The following CC2D2B variants were observed in gnomAD, a reference collection of about 807,000 sequenced individuals.
CC2D2B encodes coiled-coil and C2 domain containing 2B.
A neutral mutation model predicts 161.2 loss-of-function variants in CC2D2B; 128 were observed. The observed-to-expected ratio is 0.79, with a 90% CI of 0.69 to 0.92. CC2D2B has a LOEUF of 0.92. Ranked by LOEUF, CC2D2B falls within the 40% of genes least tolerant of loss-of-function variation. CC2D2B has a pLI of 0.00. For synonymous variants in CC2D2B, 391 were observed against 449.8 expected, an observed-to-expected ratio of 0.87 and a Z score of 1.65; for missense variants, 1,173 against 1,375.1, an observed-to-expected ratio of 0.85 and a Z score of 2.32.
intron 1 of CC2D2B, among the ~76,000 whole-genome samples, chr10:95,909,937 A>G (rs112881295): frequency 0.052 from 7,873 of 152,276 alleles, 404 homozygotes; most frequent in African/African-American, 0.13. Context: ...GCTTGAGGCC[A>G]AGAGTTTGAG....
chr10:95,966,189 G>C lies in CC2D2B; in HGVS notation c.1354-1G>C. 1 of 1,155,994 alleles carries C rather than the reference G, an allele frequency of 8.7e-7. No homozygotes were observed. Among genetic ancestry groups the C allele is most frequent in the Non-Finnish European group, 1.1e-6 (1 of 919,024 alleles). The allele number at this position is 1,155,994 out of a possible 1,614,324, so 71.6% of individuals were successfully genotyped here. On this transcript the variant is annotated splice_acceptor_variant, in intron 13 of 34. Transcript: ENST00000646931. LOFTEE classifies it high-confidence loss of function. ...TCATATATTTATTTTTTGATTTCTA[G>C]AGCCTCTCATATCTAGCTTCAGACG...
At chr10:96,005,148 TC>T (rs1296226306) in intron 25 of CC2D2B, among the ~76,000 whole-genome samples, 1 of 152,210 alleles carries the variant, frequency 6.6e-6, no homozygotes, top group Non-Finnish European at 1.5e-5. Flanking sequence ...GTTTTGATGA[TC>T]GAAATTGGTA....
In CC2D2B at chr10:95,926,838, G is replaced by GTGTC. The variant is rs2098539708; in HGVS notation, c.241-396_241-395insCTGT. 2.9e-5 allele frequency among the ~76,000 whole-genome samples: 4 copies of GTGTC among 137,412 alleles called. No individual in the cohort carries two copies. The Admixed American group carries it at 3.1e-4, about 11-fold the overall frequency. 90.1% of individuals were successfully genotyped at this position (137,412 alleles called of 152,430 possible). A position where few individuals can be genotyped will look rare whatever the true frequency, so the allele number is the denominator to read the frequency against. ...GCAGTGTGTGTGTGTGTGTGTGTGTGTGTGTGTGTCTGTGTGTGTGTGTGT... is the reference window on the plus strand; with the variant it reads ...GCAGTGTGTGTGTGTGTGTGTGTGTGTGTCTGTGTGTGTCTGTGTGTGTGTGTGT... On this transcript the variant is annotated intron_variant, in intron 5 of 34. Transcript: ENST00000646931.
At chr10:96,002,352 ATAAG>A (rs1235533855) in intron 24 of CC2D2B, among the ~76,000 whole-genome samples, 2 of 152,116 alleles carry the variant, frequency 1.3e-5, no homozygotes, top group African/African-American at 4.8e-5. Context: ...AAGCAAATGG[ATAAG>A]TAGTCATAAT....
intron 9 of CC2D2B, 136 bp from the exon 10 acceptor site, chr10:95,949,760 C>G (rs1244429434): frequency 2.5e-6 from 1 of 393,450 alleles, no homozygotes; most frequent in South Asian, 1.4e-4. Flanking sequence ...GAAAAGGAAT[C>G]AAATTATTAT....
At chr10:95,932,204 CTGCT>C (rs2075629122) in intron 6 of CC2D2B, among the ~76,000 whole-genome samples, 1 of 152,144 alleles carries the variant, frequency 6.6e-6, no homozygotes, top group Non-Finnish European at 1.5e-5. Context: ...ATGGCAACCC[CTGCT>C]TTTTTTTGCT....
intron 11 of CC2D2B, among the ~76,000 whole-genome samples, chr10:95,961,088 T>C (rs1455357712): frequency 2.0e-5 from 3 of 152,206 alleles, no homozygotes; most frequent in Admixed American, 6.6e-5. Context: ...TCTTCTTTTT[T>C]GTAAATAGTG....
intron 24 of CC2D2B, among the ~76,000 whole-genome samples, chr10:95,998,547 C>CAGAG (rs143523605): frequency 6.7e-6 from 1 of 150,002 alleles, no homozygotes; most frequent in Non-Finnish European, 1.5e-5. Flanking sequence ...AGGATGTAGA[C>CAGAG]AGAGAGAGAG....
intron 33 of CC2D2B, among the ~76,000 whole-genome samples, chr10:96,025,184 TA>T (rs1279667652): frequency 4.0e-3 from 83 of 20,624 alleles, no homozygotes; most frequent in Non-Finnish European, 5.4e-3. Flanking sequence ...TATATATATA[TA>T]AAAAAAAATA....
chr10:95,996,974 A>G (rs1038980275), intron 24 of CC2D2B, among the ~76,000 whole-genome samples: 4 of 152,192 alleles, frequency 2.6e-5, no homozygotes, highest in Admixed American at 6.5e-5. Context: ...AGGACACAGC[A>G]TTTGTCTCCT....
At position 95,992,616 on chromosome 10, in the gene CC2D2B, C is replaced by T. The variant is rs934327044; in HGVS notation, c.2561C>T (p.Ala854Val). ...GAAAGGAAAAAAGTCACAGCGCAGG[C>T]GATCTCTGACGGAGATATTAAGATT... ...RKERKKVTAQ[A>V]ISDGDIKILV... is the part of the protein sequence containing the mutation. Residue 854 changes from alanine (A) to valine (V), a missense_variant, in exon 22 of 35, where the codon GCG (alanine) becomes GTG (valine). Ala to Val is a moderately conservative substitution (Grantham distance 64, BLOSUM62 0). Coordinates refer to ENST00000646931, the MANE Select transcript of CC2D2B (RefSeq NM_001349008.3). 15 of 1,233,934 alleles carry T rather than the reference C, an allele frequency of 1.2e-5. No homozygotes were observed. In the Admixed American group the frequency reaches 4.6e-4, roughly 38 times the overall value. 76.4% of individuals were successfully genotyped at this position (1,233,934 alleles called of 1,614,324 possible).
chr10:96,009,856 C>CATAT lies in CC2D2B; in HGVS notation c.2982_2985dup (p.Arg996TyrfsTer21), dbSNP rs779916719. 1 of 1,605,910 alleles carries CATAT rather than the reference C, an allele frequency of 6.2e-7. No homozygotes were observed. The highest frequency in any genetic ancestry group is 8.5e-7 in the Non-Finnish European group (1 of 1,173,988). On this transcript the variant is annotated frameshift_variant, in exon 26 of 35. Transcript: ENST00000646931. LOFTEE classifies it high-confidence loss of function. ...TGTCTCAAGAGCTGTAGTGGTCACTCATATATAAGAAAGAATTGGCTTGGA... is the reference window on the plus strand; with the variant it reads ...TGTCTCAAGAGCTGTAGTGGTCACTCATATATATATAAGAAAGAATTGGCTTGGA...
chr10:96,024,866 T>C lies in CC2D2B; in HGVS notation c.3902T>C (p.Ile1301Thr). 6.6e-7 allele frequency: 1 copy of C among 1,520,176 alleles called. No homozygotes were observed. The highest frequency in any genetic ancestry group is 8.9e-7 in the Non-Finnish European group (1 of 1,120,292). The allele number at this position is 1,520,176 out of a possible 1,614,324, so 94.2% of individuals were successfully genotyped here. The change falls in exon 33 of 35, where the codon ATT (isoleucine) becomes ACT (threonine). Residue 1301 changes from isoleucine to threonine, a missense_variant. This residue lies in a region of CC2D2B where 598 missense variants were observed against 693.2 expected (regional missense o/e 0.86). Coordinates refer to ENST00000646931, the MANE Select transcript of CC2D2B (RefSeq NM_001349008.3). Reference protein sequence around the residue: ...KIQSIQPEEIIYFETDKSMVE... With the variant: ...KIQSIQPEEITYFETDKSMVE... Reference sequence around the variant, plus strand: ...TGTCTATTTCAGCCTGAAGAAATAATTTATTTTGAAACTGATAAAAGCATG... The same window carrying C: ...TGTCTATTTCAGCCTGAAGAAATAACTTATTTTGAAACTGATAAAAGCATG...
At position 95,986,984 on chromosome 10, in the gene CC2D2B, CCAGAGT is replaced by C. The variant is rs2077754737; in HGVS notation, c.2287-1265_2287-1260del. Among the ~76,000 whole-genome samples, 12 of 152,146 alleles carry C rather than the reference CCAGAGT, an allele frequency of 7.9e-5. No homozygotes were observed. The South Asian group carries it at 2.5e-3, about 32-fold the overall frequency. On this transcript the variant is annotated intron_variant, in intron 19 of 34. Transcript: ENST00000646931. The stretch of plus-strand genomic sequence containing the variant: ...ATATATAAAATTAAAATATTAATAT[CCAGAGT>C]ATTGTGTTAACTCCTAAAACTTAAT...
intron 9 of CC2D2B, among the ~76,000 whole-genome samples, chr10:95,946,593 GA>G (rs1254163197): frequency 6.6e-6 from 1 of 152,276 alleles, no homozygotes; most frequent in African/African-American, 2.4e-5. Context: ...TCTCTCAGGT[GA>G]AATCAAGAGC....
chr10:95,969,890 A>G (rs17382898), intron 15 of CC2D2B, among the ~76,000 whole-genome samples: 40,518 of 152,048 alleles, frequency 0.27, 6,397 homozygotes, highest in Admixed American at 0.36. Context: ...TTATCATCCT[A>G]TCACTTAGCA....
chr10:95,985,626 ATGAAATC>A (rs373567637), intron 19 of CC2D2B, among the ~76,000 whole-genome samples: 1 of 152,226 alleles, frequency 6.6e-6, no homozygotes, highest in African/African-American at 2.4e-5. Flanking sequence ...TTTAAACAAT[ATGAAATC>A]TGGGCACCTT....
chr10:96,017,098 C>G (rs1319264971), intron 30 of CC2D2B, among the ~76,000 whole-genome samples: 1 of 152,208 alleles, frequency 6.6e-6, no homozygotes, highest in Admixed American at 6.5e-5. Context: ...AGGTTTTAAT[C>G]TTATAAGAAG....
chr10:95,952,159 A>T (rs2076423102), intron 10 of CC2D2B, among the ~76,000 whole-genome samples: 1 of 152,232 alleles, frequency 6.6e-6, no homozygotes, highest in Admixed American at 6.5e-5. Context: ...AAACCAATTC[A>T]GAGTAGTGGA....
Sources: allele counts gnomAD v4.1 joint callset (sites outside exome capture counted in the v4.1 genomes callset), GRCh38; gene constraint gnomAD v4.1.1; regional missense constraint gnomAD v4.1.1; transcripts MANE v1.5; gene names NCBI Gene and HGNC (gene_info 2026-07-23, HGNC 2026-07-21).